The following CSNK1G1 variants were observed in gnomAD, a reference collection of about 807,000 sequenced individuals.
The protein encoded by CSNK1G1 is casein kinase I isoform gamma-1.
CSNK1G1 carries 22 observed loss-of-function variants against 59.6 expected under a neutral mutation model. That is an observed-to-expected ratio of 0.37 (90% confidence interval 0.26 to 0.53). CSNK1G1 has a LOEUF of 0.53. Ranked by LOEUF, CSNK1G1 falls within the 20% of genes least tolerant of loss-of-function variation. The pLI, the probability that CSNK1G1 is intolerant of heterozygous loss-of-function variation, is 0.89. For synonymous variants in CSNK1G1, 179 were observed against 177.1 expected (o/e 1.01, Z -0.08); for missense variants, 384 against 519.5 (o/e 0.74, Z 2.54).
chr15:64,171,802 G>A lies in CSNK1G1; in HGVS notation c.*129C>T. On this transcript the variant is annotated 3_prime_UTR_variant, in exon 12 of 12. Transcript: ENST00000303052. The surrounding 1 kb of genome is among the most constrained non-coding windows in gnomAD (Gnocchi z 4.8). ...GCACTGGCCCCTTCTGGGGGCATCTGTTTTCTTCTTTTTGGTTTGGATATC... is the reference window on the plus strand; with the variant it reads ...GCACTGGCCCCTTCTGGGGGCATCTATTTTCTTCTTTTTGGTTTGGATATC... The A allele has an allele frequency of 1.2e-6, 1 of 845,076 alleles. No individual in the cohort carries two copies. The highest frequency in any genetic ancestry group is 2.0e-6 in the Non-Finnish European group (1 of 503,160). The allele number at this position is 845,076 out of a possible 1,614,324, so 52.3% of individuals were successfully genotyped here. A position where few individuals can be genotyped will look rare whatever the true frequency, so the allele number is the denominator to read the frequency against.
chr15:64,350,212 G>A (rs566726610), intron 1 of CSNK1G1, among the ~76,000 whole-genome samples: 21 of 152,042 alleles, frequency 1.4e-4, no homozygotes, highest in African/African-American at 3.6e-4. Flanking sequence ...TGGTTTTATC[G>A]GCTGGTCGCG....
intron 2 of CSNK1G1, among the ~76,000 whole-genome samples, chr15:64,270,637 G>A (rs1893242406): frequency 6.6e-6 from 1 of 152,064 alleles, no homozygotes; most frequent in African/African-American, 2.4e-5. Flanking sequence ...GCAGGCGCCT[G>A]TAGTCCCAGC....
chr15:64,184,775 C>T (rs1024829275), intron 10 of CSNK1G1, among the ~76,000 whole-genome samples: 1 of 151,510 alleles, frequency 6.6e-6, no homozygotes, highest in Non-Finnish European at 1.5e-5. Flanking sequence ...CTATACCAAA[C>T]AAGACCAATT....
intron 10 of CSNK1G1, among the ~76,000 whole-genome samples, chr15:64,190,427 T>C (rs1238111889): frequency 6.6e-6 from 1 of 152,244 alleles, no homozygotes. Flanking sequence ...TTTATTTTTT[T>C]GGTTGAGATA....
At chr15:64,301,830 T>G (rs369764508) in intron 1 of CSNK1G1, among the ~76,000 whole-genome samples, 1 of 151,872 alleles carries the variant, frequency 6.6e-6, no homozygotes, top group African/African-American at 2.4e-5. Flanking sequence ...GAGGTGGCAG[T>G]GAGCCGAGCT....
intron 2 of CSNK1G1, among the ~76,000 whole-genome samples, chr15:64,278,771 A>G (rs1287265162): frequency 1.3e-5 from 2 of 152,228 alleles, no homozygotes; most frequent in East Asian, 3.8e-4. Flanking sequence ...ACTAATGTAC[A>G]TATAGGAGAA....
chr15:64,268,284 G>A (rs1301624953), intron 2 of CSNK1G1, among the ~76,000 whole-genome samples: 2 of 152,178 alleles, frequency 1.3e-5, no homozygotes, highest in Non-Finnish European at 2.9e-5. Context: ...TGATCTCATA[G>A]GAGAGAACAG....
At chr15:64,336,153 A>G (rs867536498) in intron 1 of CSNK1G1, among the ~76,000 whole-genome samples, 1 of 152,200 alleles carries the variant, frequency 6.6e-6, no homozygotes, top group African/African-American at 2.4e-5. Context: ...TAAACCGTTC[A>G]AAGCACCATG....
intron 11 of CSNK1G1, among the ~76,000 whole-genome samples, chr15:64,172,813 C>T (rs940384516): frequency 6.6e-6 from 1 of 152,228 alleles, no homozygotes; most frequent in Non-Finnish European, 1.5e-5. Context: ...CCAAGTTCTG[C>T]TTCCTGGGGA....
intron 10 of CSNK1G1, among the ~76,000 whole-genome samples, chr15:64,186,621 C>T (rs906717403): frequency 5.3e-5 from 8 of 151,978 alleles, no homozygotes; most frequent in Non-Finnish European, 7.4e-5. Flanking sequence ...GCGATCCTCC[C>T]GCCTAAGCCT....
At chr15:64,265,957 G>A (rs1892959684) in intron 2 of CSNK1G1, 1 of 389,398 alleles carries the variant, frequency 2.6e-6, no homozygotes, top group South Asian at 1.9e-5. Flanking sequence ...AGGGGTAAGT[G>A]CCTATAATCC....
At chr15:64,337,279 G>C (rs1369735011) in intron 1 of CSNK1G1, among the ~76,000 whole-genome samples, 1 of 151,974 alleles carries the variant, frequency 6.6e-6, no homozygotes, top group Non-Finnish European at 1.5e-5. Context: ...AGAAACATAT[G>C]ACAAAAAAAT....
chr15:64,338,876 G>T (rs1897540309), intron 1 of CSNK1G1, among the ~76,000 whole-genome samples: 2 of 151,896 alleles, frequency 1.3e-5, no homozygotes, highest in African/African-American at 4.8e-5. Context: ...AATTAGCCAA[G>T]GATGGTGCTG....
At chr15:64,309,655 T>C (rs76861340) in intron 1 of CSNK1G1, among the ~76,000 whole-genome samples, 6,724 of 152,280 alleles carry the variant, frequency 0.044, 195 homozygotes, top group South Asian at 0.085. Flanking sequence ...TTGCTTGTTT[T>C]GGGAAACAGA....
intron 1 of CSNK1G1, among the ~76,000 whole-genome samples, chr15:64,349,393 A>C (rs1179166832): frequency 6.6e-6 from 1 of 152,056 alleles, no homozygotes; most frequent in African/African-American, 2.4e-5. Flanking sequence ...ACAAGGCAAA[A>C]ACTAAGAGAA....
chr15:64,241,123 G>C (rs1186159085), intron 4 of CSNK1G1, among the ~76,000 whole-genome samples: 1 of 152,020 alleles, frequency 6.6e-6, no homozygotes, highest in African/African-American at 2.4e-5. Flanking sequence ...CTGCCTACAA[G>C]AAACTCACTT....
At chr15:64,245,332 T>G (rs1182921585) in intron 4 of CSNK1G1, among the ~76,000 whole-genome samples, 2 of 152,160 alleles carry the variant, frequency 1.3e-5, no homozygotes, top group Non-Finnish European at 2.9e-5. Context: ...AGAGAAAATA[T>G]AATATATGCA....
At chr15:64,212,775 G>A (rs977426134) in intron 6 of CSNK1G1, among the ~76,000 whole-genome samples, 2 of 152,112 alleles carry the variant, frequency 1.3e-5, no homozygotes, top group African/African-American at 4.8e-5. Context: ...GGAGGCCGAG[G>A]CAGGCAGATC....
chr15:64,189,477 G>A, intron 10 of CSNK1G1: 1 of 1,245,658 alleles, frequency 8.0e-7, no homozygotes, highest in South Asian at 1.4e-5. Flanking sequence ...ACAGTCCTAA[G>A]GCTCTACAAA....
Sources: allele counts gnomAD v4.1 joint callset (sites outside exome capture counted in the v4.1 genomes callset), GRCh38; gene constraint gnomAD v4.1.1; non-coding constraint Gnocchi (gnomAD v3.1); transcripts MANE v1.5; gene names NCBI Gene and HGNC (gene_info 2026-07-23, HGNC 2026-07-21).